Variants in ATG4B observed in about 807,000 individuals in gnomAD.
ATG4B encodes cysteine protease ATG4B.
Under a neutral mutation model 56.6 loss-of-function variants are expected in ATG4B, and 29 were observed. That is an observed-to-expected ratio of 0.51 (90% CI 0.38 to 0.70). The LOEUF is 0.70. Among genes scored for constraint, ATG4B ranks in the 30% least tolerant of loss-of-function variants. The pLI is 0.00. For missense variants in ATG4B, 461 were observed against 515.5 expected (o/e 0.89, Z 1.02); for synonymous variants, 224 against 206.1 (o/e 1.09, Z -0.74).
At position 241,672,745 on chromosome 2, in the gene ATG4B, T is replaced by C. The variant is rs2069024609; in HGVS notation, c.*481T>C. The C allele has an allele frequency of 1.1e-5, 2 of 175,442 alleles. No homozygotes were observed. Among genetic ancestry groups the C allele is most frequent in the Non-Finnish European group, 2.5e-5 (2 of 81,006 alleles). 10.9% of individuals were successfully genotyped at this position (175,442 alleles called of 1,614,324 possible). ...GCCCCACGCCCAAGGACTGGGCTGC[T>C]CTCGAGGGGGGCGCGCCCACCGCTG... is the stretch of plus-strand genomic sequence containing the variant. On this transcript the variant is annotated 3_prime_UTR_variant, in exon 13 of 13. Coordinates refer to ENST00000404914, the MANE Select transcript of ATG4B (RefSeq NM_013325.5).
chr2:241,653,221 C>T lies in ATG4B; in HGVS notation c.185-291C>T, dbSNP rs111597862. ...GTTTAACTTTGCATTTTCTGGATGA[C>T]TTACGGGGGTCAGTGTCTTCATATG... On this transcript the variant is annotated intron_variant, in intron 3 of 12. Coordinates refer to ENST00000404914, the MANE Select transcript of ATG4B (RefSeq NM_013325.5). The T allele has an allele frequency of 1.1e-3, 1,067 of 967,130 alleles. 2 individuals carry two copies. The African/African-American group carries it at 0.014, about 13-fold the overall frequency. The allele number at this position is 967,130 out of a possible 1,614,324, so 59.9% of individuals were successfully genotyped here. A position where few individuals can be genotyped will look rare whatever the true frequency, so the allele number is the denominator to read the frequency against.
rs750341725 is a variant in ATG4B, at chr2:241,656,377, G to A, written c.458+1034G>A. Among the ~76,000 whole-genome samples, 4 of 151,694 alleles carry A rather than the reference G, an allele frequency of 2.6e-5. No individual in the cohort carries two copies. In the South Asian group the frequency reaches 6.2e-4, roughly 24 times the overall value. ...CTCCAGGGCCCGCCCTGTGTTTGGCGTGGCACCTGCTCAGTCCCTACTGCA... is the reference window on the plus strand; with the variant it reads ...CTCCAGGGCCCGCCCTGTGTTTGGCATGGCACCTGCTCAGTCCCTACTGCA... On this transcript the variant is annotated intron_variant, in intron 6 of 12. Coordinates refer to ENST00000404914, the MANE Select transcript of ATG4B (RefSeq NM_013325.5).
At chr2:241,638,199 G>A (rs1340102749) in intron 1 of ATG4B, 1 of 152,650 alleles carries the variant, frequency 6.6e-6, no homozygotes, top group Non-Finnish European at 1.5e-5. Context: ...TAGGTTGGAG[G>A]AGAGAAACGT....
In ATG4B at chr2:241,651,960, G is replaced by C. The variant is rs1434988260; in HGVS notation, c.184+625G>C. 5 of 1,303,980 alleles carry C rather than the reference G, an allele frequency of 3.8e-6. No homozygotes were observed. The Admixed American group carries it at 6.9e-5, about 18-fold the overall frequency. The allele number at this position is 1,303,980 out of a possible 1,614,324, so 80.8% of individuals were successfully genotyped here. On this transcript the variant is annotated intron_variant, in intron 3 of 12. Transcript: ENST00000404914. This position sits in a 1 kb window ranked among gnomAD's most constrained non-coding sequence, Gnocchi z 4.1. ...CTCAGCCTTGCCTCTCACCGGCGGA[G>C]AACTGAGGCCGGAGGTGAGGGCCGG...
chr2:241,643,504 GC>G (rs1175528121), intron 1 of ATG4B, among the ~76,000 whole-genome samples: 1 of 150,754 alleles, frequency 6.6e-6, no homozygotes, highest in African/African-American at 2.4e-5. Context: ...ACGGCACCTG[GC>G]CTTACATGTC....
At chr2:241,669,571 G>C (rs577092322) in intron 10 of ATG4B, among the ~76,000 whole-genome samples, 1 of 152,258 alleles carries the variant, frequency 6.6e-6, no homozygotes, top group South Asian at 2.1e-4. Context: ...GCAGTGGCAC[G>C]ATCTCGGCTC....
chr2:241,648,270 C>T (rs1417708223), intron 1 of ATG4B, among the ~76,000 whole-genome samples: 1 of 152,184 alleles, frequency 6.6e-6, no homozygotes, highest in East Asian at 1.9e-4. Flanking sequence ...GATAATGTCT[C>T]TGAAAGCATG....
At chr2:241,643,057 A>G (rs978998874) in intron 1 of ATG4B, among the ~76,000 whole-genome samples, 63 of 149,992 alleles carry the variant, frequency 4.2e-4, no homozygotes, top group African/African-American at 1.5e-3. Context: ...TAACTTTTTT[A>G]TATTTTTAGT....
chr2:241,660,067 A>G (rs867939268), intron 7 of ATG4B, among the ~76,000 whole-genome samples: 3 of 152,134 alleles, frequency 2.0e-5, no homozygotes, highest in Admixed American at 6.6e-5. Flanking sequence ...GCACGCGCCT[A>G]TAGTCCCAGC....
chr2:241,671,177 G>GAT, intron 11 of ATG4B, 135 bp from the exon 12 acceptor site: 3 of 767,242 alleles, frequency 3.9e-6, no homozygotes, highest in Non-Finnish European at 6.5e-6. Flanking sequence ...CCTTTAGTGT[G>GAT]GAGCTGCCTC....
At chr2:241,644,914 A>G (rs530656658) in intron 1 of ATG4B, among the ~76,000 whole-genome samples, 1 of 151,350 alleles carries the variant, frequency 6.6e-6, no homozygotes, top group East Asian at 1.9e-4. Flanking sequence ...GTGCCATTGC[A>G]CTCCAGCCTG....
At chr2:241,670,516 T>C (rs948188449) in intron 10 of ATG4B, 2 of 609,900 alleles carry the variant, frequency 3.3e-6, no homozygotes, top group African/African-American at 1.8e-5. Flanking sequence ...CAGTGGAGCC[T>C]GAGGGGAGCC....
At chr2:241,658,468 G>A (rs904591365) in intron 6 of ATG4B, among the ~76,000 whole-genome samples, 13 of 151,830 alleles carry the variant, frequency 8.6e-5, no homozygotes, top group African/African-American at 3.1e-4. Flanking sequence ...CCAGGTCTTT[G>A]CTGCCTCAGG....
In ATG4B at chr2:241,671,457, T is replaced by C. The variant is rs546490304; in HGVS notation, c.1108+52T>C. ...TCCCTCGGAGGTACGATCTGTGCCCTTGCTTCCCCAGTCCTGGCCCCCTTG... is the reference window on the plus strand; with the variant it reads ...TCCCTCGGAGGTACGATCTGTGCCCCTGCTTCCCCAGTCCTGGCCCCCTTG... On this transcript the variant is annotated intron_variant, in intron 12 of 12. Transcript: ENST00000404914. The C allele has an allele frequency of 1.0e-4, 168 of 1,600,246 alleles. 1 individual carries two copies. Among genetic ancestry groups the C allele is most frequent in the Non-Finnish European group, 1.4e-4 (166 of 1,173,766 alleles).
At chr2:241,666,489 C>T (rs1290378611) in intron 7 of ATG4B, 156 bp from the exon 8 acceptor site, 2 of 769,952 alleles carry the variant, frequency 2.6e-6, no homozygotes, top group Non-Finnish European at 4.2e-6. Flanking sequence ...AAAAAATTTT[C>T]TTACGCTTTT....
chr2:241,652,865 C>T (rs555614345), intron 3 of ATG4B, among the ~76,000 whole-genome samples: 1 of 152,358 alleles, frequency 6.6e-6, no homozygotes, highest in South Asian at 2.1e-4. Flanking sequence ...TGAATCTCTG[C>T]TTCTCACCCT....
chr2:241,662,081 C>T (rs1041697186), intron 7 of ATG4B, among the ~76,000 whole-genome samples: 1 of 152,164 alleles, frequency 6.6e-6, no homozygotes, highest in Non-Finnish European at 1.5e-5. Context: ...TGGATTAGAA[C>T]TTTTCGGGAG....
At chr2:241,645,312 C>CG (rs1416923296) in intron 1 of ATG4B, among the ~76,000 whole-genome samples, 2 of 152,134 alleles carry the variant, frequency 1.3e-5, no homozygotes, top group Non-Finnish European at 2.9e-5. Context: ...CCCGTGAGGC[C>CG]GGGGGCAGGC....
chr2:241,643,603 CAT>C lies in ATG4B; in HGVS notation c.10+5887_10+5888del, dbSNP rs199671002. Among the ~76,000 whole-genome samples the C allele has an allele frequency of 4.9e-3, 731 of 148,072 alleles. 5 individuals carry two copies. The highest frequency in any genetic ancestry group is 0.017 in the African/African-American group (674 of 40,202). ...GTATATATGTACATATATATATAAA[CAT>C]ATATATACGTATATATACACATAAA... On this transcript the variant is annotated intron_variant, in intron 1 of 12. Transcript: ENST00000404914.
Sources: allele counts gnomAD v4.1 joint callset (sites outside exome capture counted in the v4.1 genomes callset), GRCh38; gene constraint gnomAD v4.1.1; non-coding constraint Gnocchi (gnomAD v3.1); transcripts MANE v1.5; gene names NCBI Gene and HGNC (gene_info 2026-07-23, HGNC 2026-07-21).